Variants in CRYBG1 observed in about 807,000 individuals in gnomAD.
The protein encoded by CRYBG1 is crystallin beta-gamma domain containing 1, also known as beta/gamma crystallin domain-containing protein 1.
CRYBG1 carries 139 observed loss-of-function variants against 189.2 expected under a neutral mutation model. That is an observed-to-expected ratio of 0.73 (90% CI 0.64 to 0.85). The LOEUF (loss-of-function observed/expected upper bound fraction) is 0.85. CRYBG1 is among the 40% of genes least tolerant of loss of function. CRYBG1 has a pLI of 0.00. For synonymous variants in CRYBG1, 1,023 were observed against 1,017.1 expected (o/e 1.01, Z -0.11); for missense variants, 2,611 against 2,675.8 (o/e 0.98, Z 0.53).
At chr6:106,553,355 CAA>C (rs926019772) in intron 15 of CRYBG1, 98 bp from the exon 16 acceptor site, 2 of 728,754 alleles carry the variant, frequency 2.7e-6, no homozygotes, top group African/African-American at 1.8e-5. Context: ...TTTACTGTAA[CAA>C]AAGTCAGCAG....
In CRYBG1 at chr6:106,450,585, C is replaced by T. The variant is rs201133819; in HGVS notation, c.174-1109C>T. On this transcript the variant is annotated intron_variant, in intron 1 of 21. Transcript: ENST00000633556. ...AGTCAAAATGGCTTGAAGAATAGGA[C>T]GTTTATTATCTAACACAACAAGAAC... Among the ~76,000 whole-genome samples, 22 of 152,288 alleles carry T rather than the reference C, an allele frequency of 1.4e-4. No individual in the cohort carries two copies. In the East Asian group the frequency reaches 3.7e-3, roughly 25 times the overall value.
intron 1 of CRYBG1, among the ~76,000 whole-genome samples, chr6:106,437,117 A>G (rs1219181317): frequency 6.6e-6 from 1 of 152,200 alleles, no homozygotes; most frequent in African/African-American, 2.4e-5. Context: ...CCACTTCTCT[A>G]AAAACAAAAC....
At chr6:106,392,432 A>G (rs1226494574) in intron 1 of CRYBG1, among the ~76,000 whole-genome samples, 2 of 152,184 alleles carry the variant, frequency 1.3e-5, no homozygotes, top group East Asian at 3.8e-4. Flanking sequence ...CAAATAAAGA[A>G]TCAGAGTAAA....
At chr6:106,474,547 G>C (rs1025731358) in intron 2 of CRYBG1, among the ~76,000 whole-genome samples, 9 of 152,272 alleles carry the variant, frequency 5.9e-5, no homozygotes, top group African/African-American at 2.2e-4. Context: ...AAGTGAAAAA[G>C]AGTAGATTCA....
At chr6:106,459,854 T>G (rs1485902242) in intron 2 of CRYBG1, among the ~76,000 whole-genome samples, 3 of 152,240 alleles carry the variant, frequency 2.0e-5, no homozygotes, top group Non-Finnish European at 4.4e-5. Flanking sequence ...AATTGTCCGT[T>G]GAAAAAGGTT....
At chr6:106,416,073 C>T (rs1240850186) in intron 1 of CRYBG1, among the ~76,000 whole-genome samples, 1 of 152,168 alleles carries the variant, frequency 6.6e-6, no homozygotes, top group East Asian at 1.9e-4. Flanking sequence ...GTTCCCCCCA[C>T]CCAAGACTGT....
chr6:106,485,812 A>G (rs1772582288), intron 2 of CRYBG1, among the ~76,000 whole-genome samples: 1 of 152,176 alleles, frequency 6.6e-6, no homozygotes, highest in African/African-American at 2.4e-5. Flanking sequence ...CATCCCTGGG[A>G]TGAATCCACT....
intron 3 of CRYBG1, 84 bp from the exon 4 acceptor site, chr6:106,519,047 T>C: frequency 7.0e-7 from 1 of 1,437,732 alleles, no homozygotes; most frequent in Non-Finnish European, 9.3e-7. Flanking sequence ...ATGTTGGCTT[T>C]TCATAGTTTT....
chr6:106,388,220 A>G (rs1167734397), intron 1 of CRYBG1, among the ~76,000 whole-genome samples: 4 of 152,118 alleles, frequency 2.6e-5, no homozygotes, highest in Non-Finnish European at 4.4e-5. Flanking sequence ...ATGTTGAAAA[A>G]CTTCCTCAGA....
At chr6:106,460,759 C>T (rs1304857271) in intron 2 of CRYBG1, among the ~76,000 whole-genome samples, 1 of 152,090 alleles carries the variant, frequency 6.6e-6, no homozygotes, top group Non-Finnish European at 1.5e-5. Flanking sequence ...TCTGCTCCTG[C>T]GACTTTCAAT....
At chr6:106,530,683 C>T (rs969060163) in intron 8 of CRYBG1, among the ~76,000 whole-genome samples, 2 of 152,036 alleles carry the variant, frequency 1.3e-5, no homozygotes, top group Non-Finnish European at 2.9e-5. Flanking sequence ...GGGATGGAAG[C>T]CAACACACAT....
intron 10 of CRYBG1, among the ~76,000 whole-genome samples, chr6:106,543,220 G>A (rs1774175744): frequency 6.6e-6 from 1 of 151,818 alleles, no homozygotes; most frequent in African/African-American, 2.4e-5. Context: ...AGCAGAGACG[G>A]GGTTTCACCA....
chr6:106,482,468 T>A (rs1317739924), intron 2 of CRYBG1, among the ~76,000 whole-genome samples: 1 of 152,110 alleles, frequency 6.6e-6, no homozygotes, highest in Non-Finnish European at 1.5e-5. Context: ...AGAGCAGGAA[T>A]CTGGGAGTCA....
chr6:106,481,545 C>T (rs985755225), intron 2 of CRYBG1, among the ~76,000 whole-genome samples: 1 of 150,596 alleles, frequency 6.6e-6, no homozygotes, highest in Non-Finnish European at 1.5e-5. Context: ...TTTACCTTCT[C>T]TCCTGGAGAC....
intron 21 of CRYBG1, among the ~76,000 whole-genome samples, chr6:106,564,711 A>G (rs9486398): frequency 0.17 from 25,168 of 152,056 alleles, 2,612 homozygotes; most frequent in African/African-American, 0.29. Context: ...TAAAAATAAC[A>G]TAAGAATGAC....
intron 2 of CRYBG1, among the ~76,000 whole-genome samples, chr6:106,473,709 C>A (rs755275233): frequency 6.6e-6 from 1 of 152,170 alleles, no homozygotes; most frequent in African/African-American, 2.4e-5. Context: ...ATTTTAAATA[C>A]GGTAATATTC....
chr6:106,406,738 T>A (rs993589114), intron 1 of CRYBG1, among the ~76,000 whole-genome samples: 3 of 152,252 alleles, frequency 2.0e-5, no homozygotes, highest in African/African-American at 7.2e-5. Flanking sequence ...ATATTCAACA[T>A]TCTTGAAGAA....
At chr6:106,406,370 G>A (rs75056272) in intron 1 of CRYBG1, among the ~76,000 whole-genome samples, 2 of 152,166 alleles carry the variant, frequency 1.3e-5, no homozygotes. Flanking sequence ...CAAGAAGTAT[G>A]GGCCTATGTG....
Position 106,510,599 on chromosome 6 carries a change from C to T in CRYBG1, c.313-831C>T, listed in dbSNP as rs1027664769. ...CCGGAACCACACGTGTGGCGAGGAA[C>T]GGGTCCCGGGGCGGAGTAGGCAGAG... On this transcript the variant is annotated intron_variant, in intron 2 of 21. Coordinates refer to ENST00000633556, the MANE Select transcript of CRYBG1 (RefSeq NM_001371242.2). Among the ~76,000 whole-genome samples, 10 of 152,348 alleles carry T rather than the reference C, an allele frequency of 6.6e-5. No individual in the cohort carries two copies. In the East Asian group the frequency reaches 1.7e-3, roughly 27 times the overall value.
Sources: gnomAD v4.1 joint callset for allele counts (sites outside exome capture counted in the v4.1 genomes callset) on GRCh38, gnomAD v4.1.1 for gene constraint, MANE v1.5 for transcripts, NCBI Gene and HGNC (gene_info 2026-07-23, HGNC 2026-07-21) for gene names.